PACRGL: variants seen among roughly 807,000 people sequenced by gnomAD.
PACRGL encodes parkin coregulated like.
A neutral mutation model predicts 34.5 loss-of-function variants in PACRGL; 38 were observed. That is an observed-to-expected ratio of 1.10 (90% CI 0.85 to 1.44). PACRGL has a LOEUF of 1.44. Among genes scored for constraint, PACRGL ranks in the 40% most tolerant of loss-of-function variants. PACRGL has a pLI of 0.00. For missense variants in PACRGL, 305 were observed against 281.4 expected (o/e 1.08, Z -0.60); for synonymous variants, 128 against 100.1 (o/e 1.28, Z -1.66).
rs1030426422 is a variant in PACRGL, at chr4:20,704,885, A to T, written c.207+71A>T. 1.3e-5 allele frequency: 19 copies of T among 1,513,582 alleles called. No homozygotes were observed. In the African/African-American group the frequency reaches 1.8e-4, roughly 14 times the overall value. 93.8% of individuals were successfully genotyped at this position (1,513,582 alleles called of 1,614,324 possible). The stretch of plus-strand genomic sequence containing the variant: ...TTCGCACAGTATTGAACAATGCTGG[A>T]TGCTGTGTTGAGTTTTGTCCCTTTG... On this transcript the variant is annotated intron_variant, in intron 3 of 8. Coordinates refer to ENST00000503585, the MANE Select transcript of PACRGL (RefSeq NM_001258345.3).
At chr4:20,733,648 T>C (rs1237138988), downstream of PACRGL, among the ~76,000 whole-genome samples, 6 of 152,178 alleles carry the variant, frequency 3.9e-5, no homozygotes, top group Admixed American at 3.3e-4. Context: ...GAGGTAAGAA[T>C]TGAAGAACAA....
chr4:20,699,030 C>T (rs1387581385), upstream of PACRGL, among the ~76,000 whole-genome samples: 4 of 152,142 alleles, frequency 2.6e-5, no homozygotes, highest in South Asian at 2.1e-4. Context: ...AACACATATG[C>T]TTGTCATTCC....
intron 7 of PACRGL, among the ~76,000 whole-genome samples, chr4:20,721,802 T>C (rs1157542662): frequency 1.3e-5 from 2 of 152,216 alleles, no homozygotes; most frequent in African/African-American, 4.8e-5. Context: ...AGTCTGTCCG[T>C]TCTCAGATCT....
In PACRGL at chr4:20,732,421, A is replaced by T. The variant is rs1748537808; in HGVS notation, c.*5080A>T. 6.6e-6 allele frequency among the ~76,000 whole-genome samples: 1 copy of T among 152,216 alleles called. No homozygotes were observed. The highest frequency in any genetic ancestry group is 1.5e-5 in the Non-Finnish European group (1 of 68,030). ...AATGAGGATTTATAGGATTCTTGTAAAAACTGAATGAAAACAAAACTTGTG... is the reference window on the plus strand; with the variant it reads ...AATGAGGATTTATAGGATTCTTGTATAAACTGAATGAAAACAAAACTTGTG... On this transcript the variant is annotated 3_prime_UTR_variant, in exon 9 of 9. Transcript: ENST00000503585.
At position 20,731,043 on chromosome 4, in the gene PACRGL, C is replaced by A. The variant is rs1228208576; in HGVS notation, c.*3702C>A. On this transcript the variant is annotated 3_prime_UTR_variant, in exon 9 of 9. Transcript: ENST00000503585. ...ATAAAGAGAAAAACTAAAGAAACAA[C>A]GGATTTCTTTGTTTTCAGGATTATT... Among the ~76,000 whole-genome samples the A allele has an allele frequency of 6.6e-6, 1 of 152,100 alleles. No homozygotes were observed. Among genetic ancestry groups the A allele is most frequent in the Non-Finnish European group, 1.5e-5 (1 of 68,024 alleles).
chr4:20,718,033 C>T (rs893516703), intron 7 of PACRGL, among the ~76,000 whole-genome samples: 7 of 151,354 alleles, frequency 4.6e-5, no homozygotes, highest in African/African-American at 1.7e-4. Context: ...TGTAGTTCTC[C>T]TTGAAGAGGT....
intron 6 of PACRGL, chr4:20,713,135 T>C (rs1738095223): frequency 5.3e-6 from 3 of 565,736 alleles, no homozygotes; most frequent in Admixed American, 7.2e-5. Context: ...GTACTAAAGG[T>C]AAAAAGGGAC....
downstream of PACRGL, among the ~76,000 whole-genome samples, chr4:20,754,122 A>G (rs1398577980): frequency 6.6e-6 from 1 of 152,182 alleles, no homozygotes. Context: ...TATAGGCAAT[A>G]GCACCAACAA....
chr4:20,715,440 A>T (rs948728981), intron 7 of PACRGL, among the ~76,000 whole-genome samples: 32 of 151,094 alleles, frequency 2.1e-4, no homozygotes, highest in African/African-American at 3.0e-4. Flanking sequence ...AAAATAAAAT[A>T]AAAAAAACCT....
At chr4:20,735,905 A>G (rs907410388), downstream of PACRGL, among the ~76,000 whole-genome samples, 2 of 152,208 alleles carry the variant, frequency 1.3e-5, no homozygotes, top group African/African-American at 4.8e-5. Context: ...ATCCACTTTT[A>G]GGTAGGAATG....
chr4:20,717,346 CA>C (rs1421576424), intron 7 of PACRGL, among the ~76,000 whole-genome samples: 1 of 152,132 alleles, frequency 6.6e-6, no homozygotes, highest in Non-Finnish European at 1.5e-5. Flanking sequence ...AATTAGACAC[CA>C]GTTGTCAATT....
chr4:20,748,894 GTATATATATA>G (rs57841958), intron 8 of PACRGL, among the ~76,000 whole-genome samples: 2 of 145,258 alleles, frequency 1.4e-5, no homozygotes, highest in South Asian at 2.2e-4. Flanking sequence ...GTGTGTGTGT[GTATATATATA>G]TATATATATA....
intron 2 of PACRGL, 51 bp downstream of exon 2, chr4:20,704,584 T>A: frequency 1.2e-6 from 2 of 1,613,070 alleles, no homozygotes; most frequent in Non-Finnish European, 1.7e-6. Flanking sequence ...TCATGGCACT[T>A]TCTGTGCTAC....
chr4:20,713,761 AGTC>A (rs1560323708), intron 7 of PACRGL, among the ~76,000 whole-genome samples: 1 of 152,176 alleles, frequency 6.6e-6, no homozygotes, highest in Non-Finnish European at 1.5e-5. Context: ...TGTACCCAGT[AGTC>A]ATTCAGGAAC....
chr4:20,733,252 G>A (rs1310323118), downstream of PACRGL, among the ~76,000 whole-genome samples: 2 of 152,116 alleles, frequency 1.3e-5, no homozygotes, highest in East Asian at 3.9e-4. Flanking sequence ...TAGGGTTTTT[G>A]TTGTATTTTT....
chr4:20,730,176 G>A lies in PACRGL; in HGVS notation c.*2835G>A. 6 of 1,567,762 alleles carry A rather than the reference G, an allele frequency of 3.8e-6. No individual in the cohort carries two copies. Among genetic ancestry groups the A allele is most frequent in the Non-Finnish European group, 5.2e-6 (6 of 1,158,198 alleles). On this transcript the variant is annotated 3_prime_UTR_variant, in exon 9 of 9. Coordinates refer to ENST00000503585, the MANE Select transcript of PACRGL (RefSeq NM_001258345.3). ...CGATTAAATTCAGCATATCTGCAAG[G>A]AAAAGTACACTATTTTGCCCCTGAG...
chr4:20,704,765 A>G lies in PACRGL; in HGVS notation c.158A>G (p.Lys53Arg), dbSNP rs75022435. 330 of 1,614,132 alleles carry G rather than the reference A, an allele frequency of 2.0e-4. 1 individual carries two copies. In the East Asian group the frequency reaches 6.8e-3, roughly 33 times the overall value. ...ACCAGTTCTCCAGAGTCTGCAAGAA[A>G]ACTTCATCCTAGACCAAGTGATAAA... ...LSTSSPESAR[K>R]LHPRPSDKLN... Residue 53 changes from lysine (K) to arginine (R), a missense_variant, in exon 3 of 9, where the codon AAA becomes AGA. Lys to Arg is a conservative substitution (Grantham distance 26, BLOSUM62 2). Coordinates refer to ENST00000503585, the MANE Select transcript of PACRGL (RefSeq NM_001258345.3).
At position 20,730,188 on chromosome 4, in the gene PACRGL, A is replaced by ATTTTGCCCC; in HGVS notation, c.*2849_*2857dup. ...GCATATCTGCAAGGAAAAGTACACT[A>ATTTTGCCCC]TTTTGCCCCTGAGTATTGCCTCCTC... On this transcript the variant is annotated 3_prime_UTR_variant, in exon 9 of 9. Transcript: ENST00000503585. 6.5e-7 allele frequency: 1 copy of ATTTTGCCCC among 1,539,246 alleles called. No individual in the cohort carries two copies. Among genetic ancestry groups the ATTTTGCCCC allele is most frequent in the East Asian group, 2.4e-5 (1 of 42,262 alleles).
At chr4:20,733,159 G>T (rs979785621), downstream of PACRGL, among the ~76,000 whole-genome samples, 10 of 152,028 alleles carry the variant, frequency 6.6e-5, no homozygotes, top group African/African-American at 2.4e-4. Context: ...CATCTATTGA[G>T]AATCAAATAT....
Sources: allele counts gnomAD v4.1 joint callset (sites outside exome capture counted in the v4.1 genomes callset), GRCh38; gene constraint gnomAD v4.1.1; transcripts MANE v1.5; gene names NCBI Gene and HGNC (gene_info 2026-07-23, HGNC 2026-07-21).